SLC1A2: variants seen among roughly 807,000 people sequenced by gnomAD.
SLC1A2 encodes the protein solute carrier family 1 member 2.
SLC1A2 carries 15 observed loss-of-function variants against 48.8 expected under a neutral mutation model. The observed-to-expected ratio is 0.31, with a 90% CI of 0.21 to 0.47. SLC1A2 has a LOEUF of 0.47. SLC1A2 is among the 20% of genes least tolerant of loss of function. The pLI, the probability that SLC1A2 is intolerant of heterozygous loss-of-function variation, is 0.99. For synonymous variants in SLC1A2, 279 were observed against 272.6 expected (o/e 1.02, Z -0.23); for missense variants, 502 against 730.5 (o/e 0.69, Z 3.61).
chr11:35,270,806 A>G (rs1480225405), intron 9 of SLC1A2, among the ~76,000 whole-genome samples: 4 of 152,238 alleles, frequency 2.6e-5, no homozygotes, highest in Non-Finnish European at 4.4e-5. Context: ...AGGTAGGAAC[A>G]CTTAGATGAA....
At chr11:35,365,870 C>G (rs542949134) in intron 1 of SLC1A2, among the ~76,000 whole-genome samples, 1 of 152,152 alleles carries the variant, frequency 6.6e-6, no homozygotes, top group Non-Finnish European at 1.5e-5. Context: ...GACTTTTCCC[C>G]TAGGAACACG....
chr11:35,289,927 T>C lies in SLC1A2; in HGVS notation c.1091+2360A>G, dbSNP rs115685773. Reference sequence around the variant, plus strand: ...TGAAAATCAATCAGGAAGGGACGAATACCTCAACAGGAAAATGACCAAGTT... The same window carrying C: ...TGAAAATCAATCAGGAAGGGACGAACACCTCAACAGGAAAATGACCAAGTT... On this transcript the variant is annotated intron_variant, in intron 7 of 10. Transcript: ENST00000278379. Among the ~76,000 whole-genome samples the C allele has an allele frequency of 2.1e-3, 315 of 152,186 alleles. 1 individual carries two copies. Among genetic ancestry groups the C allele is most frequent in the African/African-American group, 7.2e-3 (299 of 41,516 alleles).
In SLC1A2 at chr11:35,419,252, T is replaced by G; in HGVS notation, c.-286A>C. The G allele has an allele frequency of 1.6e-5, 6 of 373,942 alleles. No homozygotes were observed. Among genetic ancestry groups the G allele is most frequent in the East Asian group, 4.5e-5 (1 of 22,118 alleles). The allele number at this position is 373,942 out of a possible 1,614,324, so 23.2% of individuals were successfully genotyped here. A position where few individuals can be genotyped will look rare whatever the true frequency, so the allele number is the denominator to read the frequency against. ...GAGCTCCGGGGGCTCCGAGGGTGGC[T>G]TCCCCGAGAGAGCGATGCGCCCAGG... On this transcript the variant is annotated 5_prime_UTR_variant, in exon 1 of 11. Coordinates refer to ENST00000278379, the MANE Select transcript of SLC1A2 (RefSeq NM_004171.4). This position sits in a 1 kb window ranked among gnomAD's most constrained non-coding sequence, Gnocchi z 5.4.
intron 1 of SLC1A2, among the ~76,000 whole-genome samples, chr11:35,346,058 CT>C (rs373043482): frequency 0.014 from 2,043 of 147,334 alleles, 46 homozygotes; most frequent in African/African-American, 0.048. Flanking sequence ...GACCCATGTT[CT>C]TTTTTTTTTT....
intron 5 of SLC1A2, among the ~76,000 whole-genome samples, chr11:35,303,931 A>G (rs1286565761): frequency 6.6e-6 from 1 of 152,148 alleles, no homozygotes; most frequent in Non-Finnish European, 1.5e-5. Context: ...AAAAGCCACT[A>G]TCTCCACCCT....
At chr11:35,295,450 T>C (rs750497941) in intron 6 of SLC1A2, among the ~76,000 whole-genome samples, 1 of 152,172 alleles carries the variant, frequency 6.6e-6, no homozygotes, top group Non-Finnish European at 1.5e-5. Flanking sequence ...TAACATTCCA[T>C]GGAAAAGGAT....
intron 1 of SLC1A2, among the ~76,000 whole-genome samples, chr11:35,346,979 G>C (rs1178447484): frequency 1.1e-4 from 17 of 152,218 alleles, no homozygotes. Context: ...TCAGATGGTG[G>C]AAGTGCTTCA....
At chr11:35,298,929 C>A (rs567566653) in intron 6 of SLC1A2, 1 of 152,170 alleles carries the variant, frequency 6.6e-6, no homozygotes, top group African/African-American at 2.4e-5. Flanking sequence ...CGTAAAGATG[C>A]GTAATCTGCT....
intron 1 of SLC1A2, among the ~76,000 whole-genome samples, chr11:35,379,374 C>A (rs528225717): frequency 6.6e-6 from 1 of 152,336 alleles, no homozygotes; most frequent in Admixed American, 6.5e-5. Flanking sequence ...ATTGCAAATC[C>A]TTTGCCACAT....
chr11:35,268,662 C>CAAAA (rs56207184), intron 9 of SLC1A2, among the ~76,000 whole-genome samples: 1 of 94,542 alleles, frequency 1.1e-5, no homozygotes. Context: ...GACTCTGCCT[C>CAAAA]AAAAAAAAAA....
chr11:35,260,823 C>T lies in SLC1A2; in HGVS notation c.*71G>A. 1 of 1,109,430 alleles carries T rather than the reference C, an allele frequency of 9.0e-7. No homozygotes were observed. Among genetic ancestry groups the T allele is most frequent in the Non-Finnish European group, 1.4e-6 (1 of 726,300 alleles). 68.7% of individuals were successfully genotyped at this position (1,109,430 alleles called of 1,614,324 possible). ...GCATTTTTTTCCTTTTTAAAGAAAG[C>T]TTGTTTATATCATCAGTTACCATAG... On this transcript the variant is annotated 3_prime_UTR_variant, in exon 11 of 11. Coordinates refer to ENST00000278379, the MANE Select transcript of SLC1A2 (RefSeq NM_004171.4).
intron 1 of SLC1A2, among the ~76,000 whole-genome samples, chr11:35,392,710 C>T (rs927594805): frequency 2.6e-5 from 4 of 152,148 alleles, no homozygotes; most frequent in Admixed American, 6.5e-5. Flanking sequence ...AGGGAATGCC[C>T]CGAGTCCTCC....
intron 1 of SLC1A2, among the ~76,000 whole-genome samples, chr11:35,337,900 T>A (rs984482307): frequency 2.6e-5 from 4 of 152,174 alleles, no homozygotes; most frequent in Non-Finnish European, 4.4e-5. Context: ...TCATCATATC[T>A]CATTATCTAA....
chr11:35,374,829 G>C (rs1854173771), intron 1 of SLC1A2, among the ~76,000 whole-genome samples: 4 of 151,940 alleles, frequency 2.6e-5, no homozygotes, highest in Non-Finnish European at 5.9e-5. Flanking sequence ...TGCTGGCACT[G>C]TGTCATTAAG....
intron 1 of SLC1A2, among the ~76,000 whole-genome samples, chr11:35,384,695 T>C (rs559587978): frequency 9.2e-5 from 14 of 152,252 alleles, no homozygotes; most frequent in Non-Finnish European, 1.9e-4. Flanking sequence ...GAAGATTCAC[T>C]GGCTTTAGGG....
chr11:35,286,662 G>A, intron 8 of SLC1A2, 95 bp downstream of exon 8: 1 of 835,408 alleles, frequency 1.2e-6, no homozygotes, highest in East Asian at 2.7e-5. Context: ...TCTTCCACCA[G>A]CAGAAATGAA....
intron 1 of SLC1A2, among the ~76,000 whole-genome samples, chr11:35,409,215 T>C (rs1020216387): frequency 4.6e-5 from 7 of 152,206 alleles, no homozygotes; most frequent in East Asian, 1.9e-4. Flanking sequence ...ATACGTACCT[T>C]TGGCTTGAAG....
In SLC1A2 at chr11:35,371,020, T is replaced by C. The variant is rs937200425; in HGVS notation, c.17+47930A>G. On this transcript the variant is annotated intron_variant, in intron 1 of 10. Coordinates refer to ENST00000278379, the MANE Select transcript of SLC1A2 (RefSeq NM_004171.4). Reference sequence around the variant, plus strand: ...GGGTGGCATCTTCCTCTCTCATTCATGGGGTGAGTTTTGAGCTGTTTTCTT... The same window carrying C: ...GGGTGGCATCTTCCTCTCTCATTCACGGGGTGAGTTTTGAGCTGTTTTCTT... 14 of 984,854 alleles carry C rather than the reference T, an allele frequency of 1.4e-5. No homozygotes were observed. The African/African-American group carries it at 2.4e-4, about 17-fold the overall frequency. The allele number at this position is 984,854 out of a possible 1,614,324, so 61.0% of individuals were successfully genotyped here. A position where few individuals can be genotyped will look rare whatever the true frequency, so the allele number is the denominator to read the frequency against.
intron 1 of SLC1A2, among the ~76,000 whole-genome samples, chr11:35,349,269 C>A (rs774582792): frequency 5.0e-4 from 76 of 152,018 alleles, no homozygotes; most frequent in Non-Finnish European, 9.6e-4. Context: ...GGGAGAATCA[C>A]AAAAGAATCA....
Sources: allele counts gnomAD v4.1 joint callset (sites outside exome capture counted in the v4.1 genomes callset), GRCh38; gene constraint gnomAD v4.1.1; non-coding constraint Gnocchi (gnomAD v3.1); transcripts MANE v1.5; gene names NCBI Gene and HGNC (gene_info 2026-07-23, HGNC 2026-07-21).